Variants in RREB1 observed in about 807,000 individuals in gnomAD.
RREB1 encodes the protein ras responsive element binding protein 1.
RREB1 carries 27 observed loss-of-function variants against 117.8 expected under a neutral mutation model. The ratio of observed to expected loss-of-function variants is 0.23; its 90% CI spans 0.17 to 0.32. RREB1 has a LOEUF of 0.32. RREB1 is among the 10% of genes least tolerant of loss of function. The probability of loss-of-function intolerance (pLI) is 1.00; values close to 1 mark genes in which losing one functional copy is unlikely to be tolerated. For missense variants in RREB1, 2,577 were observed against 2,378.2 expected (o/e 1.08, Z -1.74); for synonymous variants, 1,298 against 1,026.7 (o/e 1.26, Z -5.05).
chr6:7,161,644 G>C (rs1159813191), intron 1 of RREB1, among the ~76,000 whole-genome samples: 1 of 152,080 alleles, frequency 6.6e-6, no homozygotes, highest in African/African-American at 2.4e-5. Context: ...TTTGGTTATA[G>C]ATATTTATTT....
At chr6:7,224,614 A>G (rs1042907804) in intron 8 of RREB1, among the ~76,000 whole-genome samples, 1 of 152,078 alleles carries the variant, frequency 6.6e-6, no homozygotes, top group Non-Finnish European at 1.5e-5. Flanking sequence ...CACAGCTCAG[A>G]GCTTGAACGT....
intron 1 of RREB1, among the ~76,000 whole-genome samples, chr6:7,115,011 T>C (rs980312420): frequency 6.6e-6 from 1 of 152,040 alleles, no homozygotes; most frequent in Non-Finnish European, 1.5e-5. Context: ...TTTAAGTGTT[T>C]GAACTAGCCC....
rs766524072 is a variant in RREB1, at chr6:7,230,527, C to G, written c.2428C>G (p.Leu810Val). 2 of 1,595,562 alleles carry G rather than the reference C, an allele frequency of 1.3e-6. No homozygotes were observed. Among genetic ancestry groups the G allele is most frequent in the Non-Finnish European group, 1.7e-6 (2 of 1,176,224 alleles). ...CAAGCGCAACTGCATCCACCACATCCTCAAGCAGCACCTGCACGTGCCCGA... is the reference window on the plus strand; with the variant it reads ...CAAGCGCAACTGCATCCACCACATCGTCAAGCAGCACCTGCACGTGCCCGA... The part of the protein sequence containing the change: ...AAKRNCIHHI[L>V]KQHLHVPEQD... The change falls in exon 10 of 13, where the codon CTC (leucine) becomes GTC (valine). Residue 810 changes from leucine to valine, a missense_variant. Leu to Val is a conservative substitution (Grantham distance 32). Coordinates refer to ENST00000379938, the MANE Select transcript of RREB1 (RefSeq NM_001003699.4).
chr6:7,230,409 C>G lies in RREB1; in HGVS notation c.2310C>G (p.Ile770Met), dbSNP rs555145261. 260 of 1,591,144 alleles carry G rather than the reference C, an allele frequency of 1.6e-4. 1 individual carries two copies. In the South Asian group the frequency reaches 2.8e-3, roughly 17 times the overall value. ...EDLKHYRALR[I>M]HMRTHCGRGL... is the part of the protein sequence containing the mutation. Reference sequence around the variant, plus strand: ...TCAAGCACTATCGTGCCCTGCGCATCCACATGCGCACGCACTGCGGCCGCG... The same window carrying G: ...TCAAGCACTATCGTGCCCTGCGCATGCACATGCGCACGCACTGCGGCCGCG... The change falls in exon 10 of 13, where the codon ATC becomes ATG. Residue 770 changes from isoleucine to methionine, a missense_variant. Coordinates refer to ENST00000379938, the MANE Select transcript of RREB1 (RefSeq NM_001003699.4).
intron 1 of RREB1, among the ~76,000 whole-genome samples, chr6:7,168,607 A>G (rs1764071301): frequency 6.6e-6 from 1 of 152,254 alleles, no homozygotes; most frequent in African/African-American, 2.4e-5. Context: ...ATGGAGCTCC[A>G]GAGTTACTTG....
intron 5 of RREB1, 38 bp downstream of exon 5, chr6:7,187,561 T>G (rs1765151626): frequency 1.3e-6 from 1 of 798,756 alleles, no homozygotes; most frequent in Non-Finnish European, 1.7e-6. Context: ...TTTTATTTTA[T>G]TTTATTTTAT....
rs995701459 is a variant in RREB1, at chr6:7,145,735, A to G, written c.-284-30920A>G. Among the ~76,000 whole-genome samples, 6 of 151,388 alleles carry G rather than the reference A, an allele frequency of 4.0e-5. No individual in the cohort carries two copies. In the Admixed American group the frequency reaches 4.0e-4, roughly 10 times the overall value. On this transcript the variant is annotated intron_variant, in intron 1 of 12. Coordinates refer to ENST00000379938, the MANE Select transcript of RREB1 (RefSeq NM_001003699.4). ...TAGTTTCCAGTGAAATGTCAGCCCC[A>G]GTAGCTGATAGTGGAAGTCTTATAC... is the stretch of plus-strand genomic sequence containing the variant.
chr6:7,203,546 A>G (rs6900927), intron 6 of RREB1, among the ~76,000 whole-genome samples: 52,794 of 151,990 alleles, frequency 0.35, 9,350 homozygotes, highest in Middle Eastern at 0.41. Flanking sequence ...CTGGAGAACC[A>G]TGACCCCATG....
chr6:7,160,087 A>G (rs553955859), intron 1 of RREB1, among the ~76,000 whole-genome samples: 2 of 151,872 alleles, frequency 1.3e-5, no homozygotes, highest in East Asian at 3.9e-4. Flanking sequence ...GCAGGGTGCA[A>G]TTAAGGACTG....
In RREB1 at chr6:7,229,912, C is replaced by T. The variant is rs757205316; in HGVS notation, c.1813C>T (p.Leu605=). The change falls in exon 10 of 13, where the codon CTG becomes TTG. Residue 605 remains leucine, a synonymous_variant. Transcript: ENST00000379938. The surrounding 1 kb of genome is among the most constrained non-coding windows in gnomAD (Gnocchi z 4.5). The stretch of plus-strand genomic sequence containing the variant: ...GGAGCAGGACAGCATCATCGAGGCC[C>T]TGCTGCCGCTGAGCATGGAGGCCAA... ...QLEQDSIIEA[L]LPLSMEAKIK... 12 of 1,599,794 alleles carry T rather than the reference C, an allele frequency of 7.5e-6. No homozygotes were observed. Among genetic ancestry groups the T allele is most frequent in the Admixed American group, 6.7e-5 (4 of 59,486 alleles).
chr6:7,187,409 C>G (rs1156706085), intron 4 of RREB1, 25 bp from the exon 5 acceptor site: 1 of 1,425,872 alleles, frequency 7.0e-7, no homozygotes, highest in South Asian at 1.2e-5. Flanking sequence ...TGAAATTTAT[C>G]TTCCCTTTTA....
In RREB1 at chr6:7,246,795, G is replaced by A. The variant is rs754168034; in HGVS notation, c.4345G>A (p.Ala1449Thr). ...CGCGGCCTCGCAGGAGCAGAAGCTC[G>A]CCTGCGACACCTGTGGGAAGAGCTT... is the stretch of plus-strand genomic sequence containing the variant. ...GGAASQEQKL[A>T]CDTCGKSFKF... Residue 1449 changes from alanine (A) to threonine (T), a missense_variant, in exon 12 of 13, where the codon GCC (alanine) becomes ACC (threonine). Ala to Thr is a moderately conservative substitution (Grantham distance 58, BLOSUM62 0). Transcript: ENST00000379938. 1.3e-6 allele frequency: 2 copies of A among 1,551,806 alleles called. No individual in the cohort carries two copies. The highest frequency in any genetic ancestry group is 1.2e-5 in the South Asian group (1 of 84,220).
At chr6:7,217,501 G>T (rs1046907028) in intron 8 of RREB1, 2 of 152,198 alleles carry the variant, frequency 1.3e-5, no homozygotes, top group African/African-American at 4.8e-5. Flanking sequence ...CACATAAGGA[G>T]CCAGGGCATC....
chr6:7,179,002 C>CT (rs1764649322), intron 2 of RREB1, among the ~76,000 whole-genome samples: 1 of 152,160 alleles, frequency 6.6e-6, no homozygotes, highest in Non-Finnish European at 1.5e-5. Context: ...GTTTAAGACA[C>CT]TTAGGTAGTT....
intron 12 of RREB1, among the ~76,000 whole-genome samples, chr6:7,248,164 G>A (rs1769211618): frequency 6.6e-6 from 1 of 152,362 alleles, no homozygotes; most frequent in East Asian, 1.9e-4. Flanking sequence ...ATCCCTGAGA[G>A]GGTCCACTCC....
At chr6:7,147,482 C>T (rs1255952490) in intron 1 of RREB1, among the ~76,000 whole-genome samples, 2 of 152,040 alleles carry the variant, frequency 1.3e-5, no homozygotes, top group African/African-American at 2.4e-5. Context: ...AGATGGTTTC[C>T]GTGCTGGGAT....
intron 6 of RREB1, 84 bp from the exon 7 acceptor site, chr6:7,210,720 C>T: frequency 8.2e-7 from 1 of 1,225,378 alleles, no homozygotes; most frequent in Non-Finnish European, 1.1e-6. Context: ...ATTTAAGTAC[C>T]AGTGCCTAAA....
At chr6:7,240,171 GTTTTAC>G (rs1768608902) in intron 10 of RREB1, among the ~76,000 whole-genome samples, 1 of 151,802 alleles carries the variant, frequency 6.6e-6, no homozygotes, top group Non-Finnish European at 1.5e-5. Context: ...TAATACCGTT[GTTTTAC>G]TTTAAATGTA....
chr6:7,184,782 T>C (rs1322663833), intron 4 of RREB1: 1 of 151,238 alleles, frequency 6.6e-6, no homozygotes, highest in Non-Finnish European at 1.5e-5. Context: ...TTTAAACAAA[T>C]TTGTCTCCCT....
Sources: gnomAD v4.1 joint callset for allele counts (sites outside exome capture counted in the v4.1 genomes callset) on GRCh38, gnomAD v4.1.1 for gene constraint, Gnocchi (gnomAD v3.1) non-coding constraint, MANE v1.5 for transcripts, NCBI Gene and HGNC (gene_info 2026-07-23, HGNC 2026-07-21) for gene names.